The following CDH12 variants were observed in gnomAD, a reference collection of about 807,000 sequenced individuals.
The protein encoded by CDH12 is cadherin 12, also known as cadherin-12.
In CDH12, 41 loss-of-function variants were observed where a neutral mutation model predicts 74.1. The observed-to-expected ratio is 0.55, with a 90% confidence interval of 0.43 to 0.72. The LOEUF is 0.72. Ranked by LOEUF, CDH12 falls within the 30% of genes least tolerant of loss-of-function variation. CDH12 has a pLI of 0.00. For missense variants in CDH12, 945 were observed against 977.2 expected, an observed-to-expected ratio of 0.97 and a Z score of 0.44; for synonymous variants, 399 against 355.0, an observed-to-expected ratio of 1.12 and a Z score of -1.39.
chr5:22,233,261 T>A (rs1234660712), intron 3 of CDH12, among the ~76,000 whole-genome samples: 1 of 151,658 alleles, frequency 6.6e-6, no homozygotes, highest in Non-Finnish European at 1.5e-5. Context: ...AATATTGAGT[T>A]TTTCCAAAAT....
At chr5:22,654,261 G>T (rs72637791) in intron 1 of CDH12, among the ~76,000 whole-genome samples, 17,597 of 130,678 alleles carry the variant, frequency 0.13, 1,348 homozygotes, top group East Asian at 0.45. Flanking sequence ...TCTCTTTCTT[G>T]CTTTCTTTCT....
intron 1 of CDH12, among the ~76,000 whole-genome samples, chr5:22,678,609 C>A (rs1741333600): frequency 6.6e-6 from 1 of 152,002 alleles, no homozygotes; most frequent in South Asian, 2.1e-4. Context: ...CCTTAAAAAT[C>A]TTTGTTTTTA....
At chr5:22,033,385 G>C (rs1028683413) in intron 5 of CDH12, among the ~76,000 whole-genome samples, 4 of 152,054 alleles carry the variant, frequency 2.6e-5, no homozygotes, top group African/African-American at 7.2e-5. Context: ...TCTCAACTTT[G>C]CCAGGATTAA....
At chr5:21,808,664 G>C (rs568257977) in intron 9 of CDH12, among the ~76,000 whole-genome samples, 1 of 152,100 alleles carries the variant, frequency 6.6e-6, no homozygotes, top group Admixed American at 6.6e-5. Flanking sequence ...AAGATAAGAT[G>C]TTCAGAACAA....
chr5:22,772,653 TAACTA>T (rs1475272701), intron 1 of CDH12, among the ~76,000 whole-genome samples: 1 of 152,080 alleles, frequency 6.6e-6, no homozygotes, highest in African/African-American at 2.4e-5. Context: ...AATTTAAACT[TAACTA>T]AGAAATGTAA....
At chr5:21,970,915 A>C (rs1756827815) in intron 6 of CDH12, among the ~76,000 whole-genome samples, 1 of 149,866 alleles carries the variant, frequency 6.7e-6, no homozygotes, top group East Asian at 2.0e-4. Context: ...CCTCTGAAAA[A>C]CTCCACCAAA....
intron 3 of CDH12, among the ~76,000 whole-genome samples, chr5:22,297,553 A>G (rs1049201968): frequency 2.0e-5 from 3 of 152,210 alleles, no homozygotes. Flanking sequence ...TTACAATGAC[A>G]TATATGGCAA....
intron 3 of CDH12, among the ~76,000 whole-genome samples, chr5:22,373,257 TTGGCACCCCC>T (rs1741374403): frequency 6.6e-6 from 1 of 152,200 alleles, no homozygotes; most frequent in Admixed American, 6.5e-5. Context: ...GATCCAACAG[TTGGCACCCCC>T]TGGCATGAGC....
chr5:22,118,357 C>A (rs1367526319), intron 4 of CDH12, among the ~76,000 whole-genome samples: 1 of 152,036 alleles, frequency 6.6e-6, no homozygotes, highest in African/African-American at 2.4e-5. Context: ...ATTGTTTCAG[C>A]CTTTTACATA....
intron 5 of CDH12, among the ~76,000 whole-genome samples, chr5:21,998,881 CATAG>C (rs1210369802): frequency 2.6e-5 from 4 of 152,082 alleles, no homozygotes; most frequent in Non-Finnish European, 5.9e-5. Flanking sequence ...CAAAATGAGG[CATAG>C]ATAAAGAGGG....
At chr5:22,525,984 C>T (rs983565007) in intron 1 of CDH12, among the ~76,000 whole-genome samples, 14 of 152,130 alleles carry the variant, frequency 9.2e-5, no homozygotes, top group African/African-American at 3.4e-4. Context: ...TTCAGAACAT[C>T]AATTCCAGTC....
chr5:22,058,053 T>TTTTATTTA (rs560195415), intron 5 of CDH12, among the ~76,000 whole-genome samples: 1 of 150,350 alleles, frequency 6.7e-6, no homozygotes, highest in Non-Finnish European at 1.5e-5. Context: ...ATCATCTATC[T>TTTTATTTA]TTTATTTATT....
intron 4 of CDH12, among the ~76,000 whole-genome samples, chr5:22,119,754 T>C (rs927468686): frequency 2.0e-5 from 3 of 152,172 alleles, no homozygotes; most frequent in Admixed American, 1.3e-4. Flanking sequence ...CACAAAGTAG[T>C]GTCATTTGCA....
intron 3 of CDH12, among the ~76,000 whole-genome samples, chr5:22,290,973 G>T (rs1287790459): frequency 1.3e-5 from 2 of 152,106 alleles, no homozygotes; most frequent in African/African-American, 4.8e-5. Flanking sequence ...CCGAAAAATT[G>T]AAGAGGAGAG....
chr5:22,047,110 G>A (rs929896719), intron 5 of CDH12, among the ~76,000 whole-genome samples: 3 of 152,098 alleles, frequency 2.0e-5, no homozygotes, highest in African/African-American at 7.2e-5. Flanking sequence ...TAAGCAAGCT[G>A]GTCTCCTGAA....
chr5:22,808,366 T>A (rs1163799232), intron 1 of CDH12, among the ~76,000 whole-genome samples: 1 of 152,140 alleles, frequency 6.6e-6, no homozygotes, highest in Non-Finnish European at 1.5e-5. Context: ...GCTTGATGAA[T>A]AAGAAAGATG....
intron 8 of CDH12, among the ~76,000 whole-genome samples, chr5:21,834,494 T>G (rs1749422507): frequency 6.6e-6 from 1 of 151,900 alleles, no homozygotes; most frequent in Non-Finnish European, 1.5e-5. Context: ...AACAGCAGAT[T>G]AGGTAAATTT....
intron 5 of CDH12, among the ~76,000 whole-genome samples, chr5:21,975,688 T>G (rs774874452): frequency 1.8e-4 from 27 of 152,110 alleles, no homozygotes; most frequent in Non-Finnish European, 3.4e-4. Flanking sequence ...ATATCTATTC[T>G]TCTGTTCATC....
At chr5:22,622,519 T>A (rs1738028921) in intron 1 of CDH12, among the ~76,000 whole-genome samples, 1 of 152,092 alleles carries the variant, frequency 6.6e-6, no homozygotes, top group Non-Finnish European at 1.5e-5. Flanking sequence ...AAATACAAAC[T>A]ACCATCAGAG....
Sources: allele counts gnomAD v4.1 joint callset (sites outside exome capture counted in the v4.1 genomes callset), GRCh38; gene constraint gnomAD v4.1.1; transcripts MANE v1.5; gene names NCBI Gene and HGNC (gene_info 2026-07-23, HGNC 2026-07-21).